Variants in FUBP3 observed in about 807,000 individuals in gnomAD.
FUBP3 encodes far upstream element binding protein 3.
FUBP3 carries 28 observed loss-of-function variants against 85.6 expected under a neutral mutation model. The ratio of observed to expected loss-of-function variants is 0.33; its 90% CI spans 0.24 to 0.45. The LOEUF (loss-of-function observed/expected upper bound fraction) is 0.45. Among genes scored for constraint, FUBP3 ranks in the 20% least tolerant of loss-of-function variants. The pLI, the probability that FUBP3 is intolerant of heterozygous loss-of-function variation, is 1.00. For synonymous variants in FUBP3, 271 were observed against 271.4 expected (o/e 1.00, Z 0.01); for missense variants, 583 against 755.1 (o/e 0.77, Z 2.67).
intron 2 of FUBP3, chr9:130,596,781 A>G (rs1830894104): frequency 3.4e-6 from 1 of 289,984 alleles, no homozygotes; most frequent in Non-Finnish European, 7.0e-6. Flanking sequence ...TTTATTTGTA[A>G]TTTTTGTGAG....
Position 130,609,963 on chromosome 9 carries a change from A to G in FUBP3, c.200A>G (p.Gln67Arg), listed in dbSNP as rs770346623. Residue 67 changes from glutamine (Q) to arginine (R), a missense_variant, in exon 3 of 19, where the codon CAG becomes CGG. Physicochemically the swap from Gln to Arg is conservative, Grantham distance 43. Around this residue, in one of 3 missense-constraint regions of FUBP3, gnomAD observed 177 missense variants for 221.9 expected, o/e 0.80. Coordinates refer to ENST00000319725, the MANE Select transcript of FUBP3 (RefSeq NM_003934.2). Reference sequence around the variant, plus strand: ...TTTCTCTTTGCCACAGTAGGTAACCAGTTAGGGGCCTTGGTACATCAAAGG... The same window carrying G: ...TTTCTCTTTGCCACAGTAGGTAACCGGTTAGGGGCCTTGGTACATCAAAGG... ...KRPLDDGVGN[Q>R]LGALVHQRTV... 16 of 1,609,230 alleles carry G rather than the reference A, an allele frequency of 9.9e-6. No homozygotes were observed. Among genetic ancestry groups the G allele is most frequent in the Non-Finnish European group, 1.4e-5 (16 of 1,176,292 alleles).
At chr9:130,602,810 G>A (rs1287006066) in intron 2 of FUBP3, among the ~76,000 whole-genome samples, 1 of 152,060 alleles carries the variant, frequency 6.6e-6, no homozygotes, top group Non-Finnish European at 1.5e-5. Context: ...ACATGGGCAG[G>A]CTTCCCAGGT....
intron 6 of FUBP3, among the ~76,000 whole-genome samples, chr9:130,614,902 A>G (rs1227350765): frequency 6.6e-6 from 1 of 152,156 alleles, no homozygotes; most frequent in Non-Finnish European, 1.5e-5. Flanking sequence ...TGTTACTCAC[A>G]TACTCAGAAC....
intron 2 of FUBP3, among the ~76,000 whole-genome samples, chr9:130,599,819 A>G (rs1019011200): frequency 6.6e-6 from 1 of 152,080 alleles, no homozygotes; most frequent in Non-Finnish European, 1.5e-5. Flanking sequence ...AGTCAGTCCA[A>G]CCAGTTTCAT....
chr9:130,636,698 C>T (rs1830433585), intron 18 of FUBP3, among the ~76,000 whole-genome samples: 1 of 152,240 alleles, frequency 6.6e-6, no homozygotes, highest in Non-Finnish European at 1.5e-5. Context: ...TGATGCCAGT[C>T]AGGTCCTCAT....
At chr9:130,594,062 T>C (rs1379788056) in intron 1 of FUBP3, among the ~76,000 whole-genome samples, 1 of 152,188 alleles carries the variant, frequency 6.6e-6, no homozygotes, top group Non-Finnish European at 1.5e-5. Context: ...GACAAGCTTA[T>C]GTTACATCTC....
rs115439757 is a variant in FUBP3, at chr9:130,634,748, C to G, written c.1582+10C>G. Reference sequence around the variant, plus strand: ...TATTACAAAAAACAGAGTGAGTGCCCGGCCCTCCTAACCTGTGGCAGCACA... The same window carrying G: ...TATTACAAAAAACAGAGTGAGTGCCGGGCCCTCCTAACCTGTGGCAGCACA... On this transcript the variant is annotated intron_variant, in intron 17 of 18. Transcript: ENST00000319725. 4 of 1,607,052 alleles carry G rather than the reference C, an allele frequency of 2.5e-6. No homozygotes were observed. Among genetic ancestry groups the G allele is most frequent in the Non-Finnish European group, 1.7e-6 (2 of 1,174,832 alleles).
chr9:130,615,031 G>T (rs1831930567), intron 6 of FUBP3, among the ~76,000 whole-genome samples: 1 of 152,156 alleles, frequency 6.6e-6, no homozygotes, highest in Admixed American at 6.5e-5. Flanking sequence ...GGGGACAGGG[G>T]TGCTAAGATT....
intron 2 of FUBP3, among the ~76,000 whole-genome samples, chr9:130,605,058 T>C (rs1296958727): frequency 6.6e-6 from 1 of 152,242 alleles, no homozygotes; most frequent in Admixed American, 6.5e-5. Flanking sequence ...CTGTTTTCTA[T>C]TTCATTTTTA....
chr9:130,587,139 A>G (rs1006790869), intron 1 of FUBP3, among the ~76,000 whole-genome samples: 1 of 147,812 alleles, frequency 6.8e-6, no homozygotes, highest in Non-Finnish European at 1.5e-5. Flanking sequence ...ATCTCGGCTC[A>G]CTGCAACCTC....
chr9:130,619,745 A>G (rs1487537195), intron 8 of FUBP3, among the ~76,000 whole-genome samples: 1 of 152,232 alleles, frequency 6.6e-6, no homozygotes, highest in Non-Finnish European at 1.5e-5. Flanking sequence ...GGAGAAGAAC[A>G]CTTGAATCTG....
At chr9:130,598,232 C>G (rs1445905036) in intron 2 of FUBP3, among the ~76,000 whole-genome samples, 1 of 152,140 alleles carries the variant, frequency 6.6e-6, no homozygotes, top group African/African-American at 2.4e-5. Flanking sequence ...AGAAAAATGT[C>G]TGCAAAATGC....
At chr9:130,603,301 C>A (rs549271872) in intron 2 of FUBP3, among the ~76,000 whole-genome samples, 9 of 138,096 alleles carry the variant, frequency 6.5e-5, no homozygotes, top group Non-Finnish European at 1.4e-4. Context: ...GAGCTGAAAC[C>A]GTGTCACTGC....
chr9:130,637,487 C>T lies in FUBP3; in HGVS notation c.*465C>T, dbSNP rs908457039. The T allele has an allele frequency of 1.8e-5, 3 of 164,830 alleles. No individual in the cohort carries two copies. The highest frequency in any genetic ancestry group is 7.2e-5 in the African/African-American group (3 of 41,498). The allele number at this position is 164,830 out of a possible 1,614,324, so 10.2% of individuals were successfully genotyped here. On this transcript the variant is annotated 3_prime_UTR_variant, in exon 19 of 19. Coordinates refer to ENST00000319725, the MANE Select transcript of FUBP3 (RefSeq NM_003934.2). ...ATGTGTAAATTCATTTAATGTTTTA[C>T]TTCTAATTTCTTGTATCTTGGCTGT...
At chr9:130,590,894 T>C (rs538080522) in intron 1 of FUBP3, among the ~76,000 whole-genome samples, 8 of 152,350 alleles carry the variant, frequency 5.3e-5, no homozygotes, top group African/African-American at 1.9e-4. Context: ...GTGTACCTCC[T>C]TTATGGTTTT....
Position 130,616,070 on chromosome 9 carries a change from A to C in FUBP3, c.405-285A>C, listed in dbSNP as rs543141445. ...AGAGCAGCTGGCATCCTAATAGGAG[A>C]CGACACCTTTGTGGAGACACAAGCA... On this transcript the variant is annotated intron_variant, in intron 6 of 18. Coordinates refer to ENST00000319725, the MANE Select transcript of FUBP3 (RefSeq NM_003934.2). This position sits in a 1 kb window ranked among gnomAD's most constrained non-coding sequence, Gnocchi z 4.7. Among the ~76,000 whole-genome samples the C allele has an allele frequency of 2.0e-5, 3 of 152,320 alleles. No individual in the cohort carries two copies. The highest frequency in any genetic ancestry group is 2.0e-4 in the Admixed American group (3 of 15,308).
chr9:130,618,307 A>G (rs1482877610), intron 8 of FUBP3, among the ~76,000 whole-genome samples: 1 of 151,992 alleles, frequency 6.6e-6, no homozygotes, highest in East Asian at 1.9e-4. Flanking sequence ...TGATTTGCTG[A>G]CCTGGGGTCA....
At chr9:130,628,671 C>T (rs1206287599) in intron 12 of FUBP3, among the ~76,000 whole-genome samples, 1 of 152,224 alleles carries the variant, frequency 6.6e-6, no homozygotes, top group Non-Finnish European at 1.5e-5. Context: ...GTGCTTTTGC[C>T]TCCAGACCAA....
intron 3 of FUBP3, among the ~76,000 whole-genome samples, chr9:130,611,411 A>G (rs1831738894): frequency 1.3e-5 from 2 of 152,290 alleles, no homozygotes; most frequent in African/African-American, 2.4e-5. Flanking sequence ...GGGAGAACAC[A>G]TACATCGCAA....
Sources: allele counts gnomAD v4.1 joint callset (sites outside exome capture counted in the v4.1 genomes callset), GRCh38; gene constraint gnomAD v4.1.1; regional missense constraint gnomAD v4.1.1; non-coding constraint Gnocchi (gnomAD v3.1); transcripts MANE v1.5; gene names NCBI Gene and HGNC (gene_info 2026-07-23, HGNC 2026-07-21).